Variants in ADORA1 observed in about 807,000 individuals in gnomAD.
The protein encoded by ADORA1 is adenosine A1 receptor.
ADORA1 carries 6 observed loss-of-function variants against 19.9 expected under a neutral mutation model. The ratio of observed to expected loss-of-function variants is 0.30; its 90% CI spans 0.17 to 0.59. ADORA1 has a LOEUF of 0.59. Ranked by LOEUF, ADORA1 falls within the 20% of genes least tolerant of loss-of-function variation. ADORA1 has a pLI of 0.87. For synonymous variants in ADORA1, 194 were observed against 188.4 expected (o/e 1.03, Z -0.24); for missense variants, 302 against 439.2 (o/e 0.69, Z 2.79).
chr1:203,156,626 C>G (rs1424588414), intron 3 of ADORA1, among the ~76,000 whole-genome samples: 1 of 152,190 alleles, frequency 6.6e-6, no homozygotes, highest in African/African-American at 2.4e-5. Flanking sequence ...AAAAACCAGA[C>G]AGAGTCATCT....
At chr1:203,146,292 C>A (rs1049461786) in intron 3 of ADORA1, among the ~76,000 whole-genome samples, 2 of 152,104 alleles carry the variant, frequency 1.3e-5, no homozygotes, top group Non-Finnish European at 1.5e-5. Context: ...TACTTCCCTT[C>A]GCCACTGTCT....
chr1:203,164,964 A>C, intron 3 of ADORA1: 2 of 1,423,480 alleles, frequency 1.4e-6, no homozygotes, highest in Non-Finnish European at 1.9e-6. Context: ...AGCAATTTTT[A>C]CTGTGGTCAT....
intron 3 of ADORA1, among the ~76,000 whole-genome samples, chr1:203,138,277 T>A (rs571068759): frequency 1.3e-5 from 2 of 152,136 alleles, no homozygotes; most frequent in Admixed American, 6.5e-5. Flanking sequence ...CAGTGGAATG[T>A]TGAGCAGGTG....
rs769134627 is a variant in ADORA1 at position 203,165,933 on chromosome 1, A to G, written c.*33A>G. 3 of 1,524,088 alleles carry G rather than the reference A, an allele frequency of 2.0e-6. No homozygotes were observed. The highest frequency in any genetic ancestry group is 2.6e-6 in the Non-Finnish European group (3 of 1,137,114). The allele number at this position is 1,524,088 out of a possible 1,614,324, so 94.4% of individuals were successfully genotyped here. A position where few individuals can be genotyped will look rare whatever the true frequency, so the allele number is the denominator to read the frequency against. On this transcript the variant is annotated 3_prime_UTR_variant, in exon 4 of 4. Coordinates refer to ENST00000337894, the MANE Select transcript of ADORA1 (RefSeq NM_000674.3). This position sits in a 1 kb window ranked among gnomAD's most constrained non-coding sequence, Gnocchi z 5.9. The stretch of plus-strand genomic sequence containing the variant: ...CTTCCGCTCCCACCAGCCCACATCC[A>G]GTGGGGTCTCAGTCCAGTCCTCACA...
At chr1:203,144,757 G>C (rs1034609047) in intron 3 of ADORA1, 2 of 152,236 alleles carry the variant, frequency 1.3e-5, no homozygotes, top group Non-Finnish European at 2.9e-5. Flanking sequence ...CTGTGAGGCA[G>C]TGCTCTTGGA....
intron 3 of ADORA1, among the ~76,000 whole-genome samples, chr1:203,137,638 T>C (rs1654552211): frequency 6.6e-6 from 1 of 152,198 alleles, no homozygotes; most frequent in Non-Finnish European, 1.5e-5. Context: ...TGGATATGCA[T>C]TTAAAATTTT....
intron 3 of ADORA1, among the ~76,000 whole-genome samples, chr1:203,141,598 T>TTTTTTTG (rs1654694815): frequency 7.0e-6 from 1 of 142,266 alleles, no homozygotes; most frequent in Non-Finnish European, 1.5e-5. Flanking sequence ...TTTTTTTTTT[T>TTTTTTTG]GAGGTAGAGT....
intron 3 of ADORA1, among the ~76,000 whole-genome samples, chr1:203,133,927 C>G (rs12138660): frequency 1.2e-4 from 18 of 152,220 alleles, no homozygotes; most frequent in South Asian, 6.2e-4. Context: ...CCCTGAAATG[C>G]CTTGTGTGCC....
At chr1:203,137,812 C>T (rs1371360515) in intron 3 of ADORA1, among the ~76,000 whole-genome samples, 1 of 152,162 alleles carries the variant, frequency 6.6e-6, no homozygotes, top group African/African-American at 2.4e-5. Flanking sequence ...CCCTCCCAGT[C>T]AGTACCCTCC....
In ADORA1 at chr1:203,155,513, G is replaced by T. The variant is rs140512470; in HGVS notation, c.342-9748G>T. Among the ~76,000 whole-genome samples, 65 of 152,322 alleles carry T rather than the reference G, an allele frequency of 4.3e-4. 1 individual carries two copies. The highest frequency in any genetic ancestry group is 1.5e-3 in the African/African-American group (62 of 41,568). On this transcript the variant is annotated intron_variant, in intron 3 of 3. Coordinates refer to ENST00000337894, the MANE Select transcript of ADORA1 (RefSeq NM_000674.3). ...AAGTGATCTCATCCCTGAAAAGGACGATTCATGAGGCAAAGGACCAATGAG... is the reference window on the plus strand; with the variant it reads ...AAGTGATCTCATCCCTGAAAAGGACTATTCATGAGGCAAAGGACCAATGAG...
At chr1:203,150,175 A>T (rs1426678457) in intron 3 of ADORA1, 1 of 152,890 alleles carries the variant, frequency 6.5e-6, no homozygotes, top group Non-Finnish European at 1.5e-5. Context: ...TGTTCTGGGG[A>T]GGGGGATCTC....
rs910763241 is a variant in ADORA1, at chr1:203,128,639, G to A, written c.-57-146G>A. The A allele has an allele frequency of 2.1e-5, 22 of 1,033,566 alleles. No individual in the cohort carries two copies. In the Admixed American group the frequency reaches 5.2e-4, roughly 25 times the overall value. 64.0% of individuals were successfully genotyped at this position (1,033,566 alleles called of 1,614,324 possible). ...AGGGAAGGGACAAAGATTAGGCAGA[G>A]AAGGGTCCGGGTGCCCCTCCAGCCT... On this transcript the variant is annotated intron_variant, in intron 2 of 3. Coordinates refer to ENST00000337894, the MANE Select transcript of ADORA1 (RefSeq NM_000674.3). The surrounding 1 kb of genome is among the most constrained non-coding windows in gnomAD (Gnocchi z 5.9).
chr1:203,160,401 C>A (rs1655326182), intron 3 of ADORA1, among the ~76,000 whole-genome samples: 1 of 152,204 alleles, frequency 6.6e-6, no homozygotes, highest in African/African-American at 2.4e-5. Context: ...TGTTGGCATT[C>A]AAGTAGTGTT....
At chr1:203,145,225 TAAG>T (rs1320388188) in intron 3 of ADORA1, among the ~76,000 whole-genome samples, 1 of 152,230 alleles carries the variant, frequency 6.6e-6, no homozygotes, top group Non-Finnish European at 1.5e-5. Context: ...CTAGAGAGGT[TAAG>T]AAGAGACTGG....
intron 3 of ADORA1, among the ~76,000 whole-genome samples, chr1:203,142,663 T>A (rs1654731274): frequency 6.6e-6 from 1 of 152,140 alleles, no homozygotes; most frequent in Non-Finnish European, 1.5e-5. Context: ...TCACCTTGGC[T>A]CCCTGCTGTC....
chr1:203,165,298 G>A lies in ADORA1; in HGVS notation c.379G>A (p.Ala127Thr). The change falls in exon 4 of 4, where the codon GCC (alanine) becomes ACC (threonine). Residue 127 changes from alanine (A) to threonine (T), a missense_variant. Coordinates refer to ENST00000337894, the MANE Select transcript of ADORA1 (RefSeq NM_000674.3). This position sits in a 1 kb window ranked among gnomAD's most constrained non-coding sequence, Gnocchi z 5.9. ...MVVTPRRAAV[A>T]IAGCWILSFV... Reference sequence around the variant, plus strand: ...GGTGACCCCCCGGAGGGCGGCGGTGGCCATAGCCGGCTGCTGGATCCTCTC... The same window carrying A: ...GGTGACCCCCCGGAGGGCGGCGGTGACCATAGCCGGCTGCTGGATCCTCTC... The A allele has an allele frequency of 6.4e-7, 1 of 1,568,956 alleles. No individual in the cohort carries two copies. Among genetic ancestry groups the A allele is most frequent in the Non-Finnish European group, 8.6e-7 (1 of 1,157,618 alleles).
At chr1:203,143,253 C>T (rs1433071602) in intron 3 of ADORA1, among the ~76,000 whole-genome samples, 1 of 152,188 alleles carries the variant, frequency 6.6e-6, no homozygotes, top group Non-Finnish European at 1.5e-5. Flanking sequence ...GAGGGCATCA[C>T]ATGGTGAGAG....
Position 203,128,437 on chromosome 1 carries a change from G to T in ADORA1, c.-58+5G>T, listed in dbSNP as rs1332948406. The T allele has an allele frequency of 7.7e-7, 1 of 1,293,980 alleles. No individual in the cohort carries two copies. The highest frequency in any genetic ancestry group is 5.5e-5 in the East Asian group (1 of 18,286). 80.2% of individuals were successfully genotyped at this position (1,293,980 alleles called of 1,614,324 possible). On this transcript the variant is annotated splice_donor_5th_base_variant and intron_variant, in intron 2 of 3. Transcript: ENST00000337894. This position sits in a 1 kb window ranked among gnomAD's most constrained non-coding sequence, Gnocchi z 5.9. The stretch of plus-strand genomic sequence containing the variant: ...TGCCGGCCAGCAGGCAGGATGGTGA[G>T]CTCCCTGCATCCTGTTCTGTGCACA...
intron 3 of ADORA1, among the ~76,000 whole-genome samples, chr1:203,158,964 G>T (rs1480278530): frequency 6.6e-6 from 1 of 152,234 alleles, no homozygotes; most frequent in Non-Finnish European, 1.5e-5. Context: ...AGAGGGCAGA[G>T]CTCTCAGGAT....
Sources: allele counts gnomAD v4.1 joint callset (sites outside exome capture counted in the v4.1 genomes callset), GRCh38; gene constraint gnomAD v4.1.1; non-coding constraint Gnocchi (gnomAD v3.1); transcripts MANE v1.5; gene names NCBI Gene and HGNC (gene_info 2026-07-23, HGNC 2026-07-21).